Variants in DOP1B observed in about 807,000 individuals in gnomAD.
The protein encoded by DOP1B is protein DOP1B.
In DOP1B, 174 loss-of-function variants were observed where a neutral mutation model predicts 233.5. The ratio of observed to expected loss-of-function variants is 0.75; its 90% CI spans 0.66 to 0.85. DOP1B has a LOEUF of 0.85. Among genes scored for constraint, DOP1B ranks in the 40% least tolerant of loss-of-function variants. DOP1B has a pLI of 0.00. For missense variants in DOP1B, 2,652 were observed against 2,846.6 expected, an observed-to-expected ratio of 0.93 and a Z score of 1.56; for synonymous variants, 1,190 against 1,185.6, an observed-to-expected ratio of 1.00 and a Z score of -0.08.
rs376338448 is a variant in DOP1B at position 36,214,136 on chromosome 21, T to C, written c.960T>C (p.Tyr320=). The C allele has an allele frequency of 6.1e-5, 99 of 1,613,936 alleles. No individual in the cohort carries two copies. The African/African-American group carries it at 1.1e-3, about 18-fold the overall frequency. The stretch of plus-strand genomic sequence containing the variant: ...CAGAATCTGAAATCTCAAATTCTTA[T>C]GAAGACCAGTCGTCTTATTTTTTTG... ...VVPESEISNS[Y]EDQSSYFFEK... The change falls in exon 8 of 37, where the codon TAT becomes TAC. Residue 320 remains tyrosine (Y), a synonymous_variant. Coordinates refer to ENST00000691173, the MANE Select transcript of DOP1B (RefSeq NM_001320714.2).
intron 2 of DOP1B, among the ~76,000 whole-genome samples, chr21:36,187,881 G>A (rs1320406490): frequency 6.6e-6 from 1 of 152,088 alleles, no homozygotes; most frequent in Non-Finnish European, 1.5e-5. Flanking sequence ...GATTACAGGT[G>A]TAAGCCACTG....
At position 36,245,005 on chromosome 21, in the gene DOP1B, T is replaced by TGACC. The variant is rs1485640413; in HGVS notation, c.3068-42_3068-39dup. On this transcript the variant is annotated intron_variant, in intron 18 of 36. Transcript: ENST00000691173. This position sits in a 1 kb window ranked among gnomAD's most constrained non-coding sequence, Gnocchi z 5.5. Reference sequence around the variant, plus strand: ...CGCCCTACAGCTAATGTATCATAGCTGACCCTTCTGTCTAAAGTCATTTGT... The same window carrying TGACC: ...CGCCCTACAGCTAATGTATCATAGCTGACCGACCCTTCTGTCTAAAGTCATTTGT... 3 of 1,549,246 alleles carry TGACC rather than the reference T, an allele frequency of 1.9e-6. No homozygotes were observed. The highest frequency in any genetic ancestry group is 2.6e-6 in the Non-Finnish European group (3 of 1,142,368).
At chr21:36,214,355 A>G in intron 8 of DOP1B, 87 bp from the exon 9 acceptor site, 3 of 1,411,862 alleles carry the variant, frequency 2.1e-6, no homozygotes, top group East Asian at 2.4e-5. Context: ...CTTCTGTCCC[A>G]GAGTATTTAA....
At position 36,246,530 on chromosome 21, in the gene DOP1B, C is replaced by G. The variant is rs146690528; in HGVS notation, c.4550C>G (p.Pro1517Arg). ...LQPAYGYGMH[P>R]AWVSLVTHSL... ...CCCGCCTACGGTTACGGCATGCATC[C>G]GGCCTGGGTGAGCTTGGTCACGCAT... The change falls in exon 19 of 37, where the codon CCG becomes CGG. Residue 1517 changes from proline (P) to arginine (R), a missense_variant. By Grantham distance (103) the Pro-to-Arg change is moderately radical (BLOSUM62 -2). Transcript: ENST00000691173. The surrounding 1 kb of genome is among the most constrained non-coding windows in gnomAD (Gnocchi z 5.1). The G allele has an allele frequency of 6.2e-7, 1 of 1,614,154 alleles. No individual in the cohort carries two copies. The highest frequency in any genetic ancestry group is 2.2e-5 in the East Asian group (1 of 44,880).
At chr21:36,241,503 CTTT>C (rs1165636640) in intron 18 of DOP1B, among the ~76,000 whole-genome samples, 50 of 76,484 alleles carry the variant, frequency 6.5e-4, no homozygotes, top group African/African-American at 2.6e-3. Flanking sequence ...TTATCTTAAT[CTTT>C]TTTTTTTTTT....
At chr21:36,235,139 T>A (rs866166350) in intron 15 of DOP1B, among the ~76,000 whole-genome samples, 1 of 152,210 alleles carries the variant, frequency 6.6e-6, no homozygotes, top group African/African-American at 2.4e-5. Flanking sequence ...CAGCGGCAGC[T>A]AGTGCCTGTC....
At chr21:36,234,695 C>T (rs996245620) in intron 15 of DOP1B, among the ~76,000 whole-genome samples, 4 of 152,212 alleles carry the variant, frequency 2.6e-5, no homozygotes, top group Middle Eastern at 3.4e-3. Context: ...TGTGCGCCCT[C>T]ACACCTGGCT....
At chr21:36,227,642 T>C (rs780007883) in intron 12 of DOP1B, 44 bp from the exon 13 acceptor site, 2 of 1,432,256 alleles carry the variant, frequency 1.4e-6, no homozygotes, top group African/African-American at 1.4e-5. Flanking sequence ...TTTTTCTGAT[T>C]GTGAACCAAC....
At chr21:36,157,180 G>T (rs1423372556) in intron 1 of DOP1B, among the ~76,000 whole-genome samples, 2 of 152,084 alleles carry the variant, frequency 1.3e-5, no homozygotes, top group African/African-American at 4.8e-5. Flanking sequence ...GGAGGGCAGC[G>T]GGGAGACTGG....
At chr21:36,292,759 A>AT (rs1601490071) in intron 36 of DOP1B, among the ~76,000 whole-genome samples, 1 of 151,850 alleles carries the variant, frequency 6.6e-6, no homozygotes, top group African/African-American at 2.4e-5. Context: ...CTACAGGCAC[A>AT]TGCCACCACT....
At chr21:36,256,525 T>C (rs2067099436) in intron 23 of DOP1B, among the ~76,000 whole-genome samples, 2 of 152,192 alleles carry the variant, frequency 1.3e-5, no homozygotes, top group African/African-American at 2.4e-5. Flanking sequence ...CCGATGTTCA[T>C]AGCAGCATTA....
chr21:36,261,979 T>C (rs1254815592), intron 24 of DOP1B: 1 of 984,240 alleles, frequency 1.0e-6, no homozygotes, highest in African/African-American at 1.7e-5. Context: ...TATGCCTACA[T>C]AGCCATCAGG....
chr21:36,184,014 C>T (rs972480609), intron 2 of DOP1B, among the ~76,000 whole-genome samples: 35 of 151,832 alleles, frequency 2.3e-4, no homozygotes, highest in Non-Finnish European at 4.4e-4. Flanking sequence ...CAGGTGCGTG[C>T]CACCACGCCT....
At chr21:36,170,044 A>G in intron 2 of DOP1B, 1 of 724,988 alleles carries the variant, frequency 1.4e-6, no homozygotes, top group Non-Finnish European at 2.6e-6. Flanking sequence ...GTATCCCAGG[A>G]AGGCTGTGAC....
intron 2 of DOP1B, among the ~76,000 whole-genome samples, chr21:36,195,541 C>G (rs2066281815): frequency 6.6e-6 from 1 of 151,970 alleles, no homozygotes. Context: ...CTCAAAAAAT[C>G]AAAACATGAT....
chr21:36,165,404 G>A (rs2065900091), intron 2 of DOP1B, among the ~76,000 whole-genome samples: 3 of 152,078 alleles, frequency 2.0e-5, no homozygotes, highest in South Asian at 4.1e-4. Context: ...TTGTGTGTGT[G>A]TGTGCATGTG....
chr21:36,224,585 C>T (rs2066661221), intron 11 of DOP1B, among the ~76,000 whole-genome samples: 1 of 151,948 alleles, frequency 6.6e-6, no homozygotes, highest in South Asian at 2.1e-4. Context: ...GAGTTAATCC[C>T]TGTCCTGAGA....
At chr21:36,177,056 G>A (rs1276113858) in intron 2 of DOP1B, among the ~76,000 whole-genome samples, 13 of 152,060 alleles carry the variant, frequency 8.5e-5, no homozygotes, top group Admixed American at 1.3e-4. Flanking sequence ...CAGGTGATCC[G>A]CCTGCCTCGA....
At chr21:36,166,584 G>A (rs1198217095) in intron 2 of DOP1B, among the ~76,000 whole-genome samples, 2 of 152,158 alleles carry the variant, frequency 1.3e-5, no homozygotes, top group Admixed American at 6.6e-5. Flanking sequence ...GGACTTTCAA[G>A]TGCTCAGATG....
Sources: allele counts gnomAD v4.1 joint callset (sites outside exome capture counted in the v4.1 genomes callset), GRCh38; gene constraint gnomAD v4.1.1; non-coding constraint Gnocchi (gnomAD v3.1); transcripts MANE v1.5; gene names NCBI Gene and HGNC (gene_info 2026-07-23, HGNC 2026-07-21).